Variants in SCN7A observed in about 807,000 individuals in gnomAD.
The protein encoded by SCN7A is sodium channel protein type 7 subunit alpha.
Under a neutral mutation model 155.2 loss-of-function variants are expected in SCN7A, and 138 were observed. That is an observed-to-expected ratio of 0.89 (90% confidence interval 0.77 to 1.02). The LOEUF is 1.02. Among genes scored for constraint, SCN7A ranks in the 50% least tolerant of loss-of-function variants. The pLI, the probability that SCN7A is intolerant of heterozygous loss-of-function variation, is 0.00. For missense variants in SCN7A, 2,058 were observed against 1,986.6 expected (o/e 1.04, Z -0.68); for synonymous variants, 693 against 649.0 (o/e 1.07, Z -1.03).
chr2:166,448,797 CTA>C (rs1397764774), intron 11 of SCN7A, among the ~76,000 whole-genome samples: 2 of 152,092 alleles, frequency 1.3e-5, no homozygotes, highest in Non-Finnish European at 2.9e-5. Flanking sequence ...AAACATAGTA[CTA>C]AGTAATAACA....
At chr2:166,408,632 T>G (rs1270269459) in intron 25 of SCN7A, among the ~76,000 whole-genome samples, 3 of 152,018 alleles carry the variant, frequency 2.0e-5, no homozygotes, top group Admixed American at 2.0e-4. Context: ...TCTGATAGCT[T>G]CTTCTTTTCT....
intron 15 of SCN7A, chr2:166,436,377 A>G (rs1484768817): frequency 9.1e-6 from 4 of 438,012 alleles, no homozygotes; most frequent in African/African-American, 4.1e-5. Flanking sequence ...TGCTGCTGCA[A>G]TGTGAAGGAC....
chr2:166,411,766 G>C (rs1431746186), intron 23 of SCN7A, among the ~76,000 whole-genome samples: 2 of 152,050 alleles, frequency 1.3e-5, no homozygotes, highest in Non-Finnish European at 2.9e-5. Flanking sequence ...GCATCCACTG[G>C]AGGTCTTGGA....
At chr2:166,473,241 T>C (rs1245244563) in intron 5 of SCN7A, among the ~76,000 whole-genome samples, 1 of 151,740 alleles carries the variant, frequency 6.6e-6, no homozygotes, top group African/African-American at 2.4e-5. Context: ...TTATACATTA[T>C]GTAGGTAAAT....
At position 166,493,645 on chromosome 2, in the gene SCN7A, C is replaced by T. The variant is rs371806616; in HGVS notation, c.-128+323G>A. Among the ~76,000 whole-genome samples the T allele has an allele frequency of 4.4e-4, 67 of 152,286 alleles. 1 individual carries two copies. The East Asian group carries it at 7.5e-3, about 17-fold the overall frequency. On this transcript the variant is annotated intron_variant, in intron 1 of 25. Coordinates refer to ENST00000643258, the MANE Select transcript of SCN7A (RefSeq NM_002976.4). ...TCCTCCATTTTATACTATCATTGTACCATGTAATGTAAGTCATTGTCATAT... is the reference window on the plus strand; with the variant it reads ...TCCTCCATTTTATACTATCATTGTATCATGTAATGTAAGTCATTGTCATAT...
Position 166,441,557 on chromosome 2 carries a change from G to A in SCN7A, c.1996C>T (p.Leu666Phe), listed in dbSNP as rs1701960634. 2 of 1,614,080 alleles carry A rather than the reference G, an allele frequency of 1.2e-6. No individual in the cohort carries two copies. The highest frequency in any genetic ancestry group is 4.5e-5 in the East Asian group (2 of 44,864). The change falls in exon 15 of 26, where the codon CTC becomes TTC. Residue 666 changes from leucine to phenylalanine, a missense_variant. Coordinates refer to ENST00000643258, the MANE Select transcript of SCN7A (RefSeq NM_002976.4). ...AAGTCATGCATGTGCCAGCGTGGGA[G>A]TTGACAGTCTTTGTCTATGTGGCAG... ...FVCHIDKDCQ[L>F]PRWHMHDFFH...
intron 10 of SCN7A, among the ~76,000 whole-genome samples, chr2:166,458,398 G>T (rs1167494696): frequency 6.6e-6 from 1 of 151,608 alleles, no homozygotes; most frequent in African/African-American, 2.4e-5. Context: ...GTATTCATGG[G>T]TTCCATATCT....
intron 11 of SCN7A, among the ~76,000 whole-genome samples, chr2:166,448,117 C>CA: frequency 6.6e-6 from 1 of 152,080 alleles, no homozygotes. Context: ...CCCCCTCATA[C>CA]ATACCCTTTG....
chr2:166,473,978 T>A (rs1702720212), intron 4 of SCN7A, 90 bp from the exon 5 acceptor site: 2 of 695,174 alleles, frequency 2.9e-6, no homozygotes, highest in East Asian at 6.3e-5. Context: ...TGAAAAATAT[T>A]AATCTTATTG....
At chr2:166,483,394 G>C (rs1418009859) in intron 2 of SCN7A, among the ~76,000 whole-genome samples, 1 of 151,772 alleles carries the variant, frequency 6.6e-6, no homozygotes, top group African/African-American at 2.4e-5. Context: ...GATAGTGTGG[G>C]GTTTGTGTAT....
chr2:166,477,710 C>T lies in SCN7A; in HGVS notation c.-14G>A. On this transcript the variant is annotated splice_region_variant and 5_prime_UTR_variant, in exon 3 of 26. Coordinates refer to ENST00000643258, the MANE Select transcript of SCN7A (RefSeq NM_002976.4). ...TGAAGCCAACATTTCCAATTTTGTA[C>T]CTGCAAAAAATTCTGTATTAAAGTT... 6.6e-7 allele frequency: 1 copy of T among 1,521,692 alleles called. No homozygotes were observed. Among genetic ancestry groups the T allele is most frequent in the South Asian group, 1.3e-5 (1 of 76,550 alleles). The allele number at this position is 1,521,692 out of a possible 1,614,324, so 94.3% of individuals were successfully genotyped here.
intron 25 of SCN7A, among the ~76,000 whole-genome samples, chr2:166,406,892 C>G (rs866733655): frequency 6.6e-5 from 10 of 151,940 alleles, no homozygotes; most frequent in Non-Finnish European, 1.3e-4. Context: ...GTAACATCAT[C>G]TAAGAGTATT....
At chr2:166,415,647 T>C (rs1575006026) in intron 21 of SCN7A, among the ~76,000 whole-genome samples, 1 of 152,144 alleles carries the variant, frequency 6.6e-6, no homozygotes, top group African/African-American at 2.4e-5. Flanking sequence ...TGGACATTTG[T>C]CAGTTCCCAA....
intron 5 of SCN7A, among the ~76,000 whole-genome samples, chr2:166,473,031 T>C (rs938458528): frequency 6.6e-6 from 1 of 150,964 alleles, no homozygotes; most frequent in Non-Finnish European, 1.5e-5. Context: ...GGTTAGAGGG[T>C]GGGAGGAGAG....
Position 166,421,180 on chromosome 2 carries a change from T to C in SCN7A, c.3135+10A>G, listed in dbSNP as rs993760288. 29 of 1,473,584 alleles carry C rather than the reference T, an allele frequency of 2.0e-5. No individual in the cohort carries two copies. Among genetic ancestry groups the C allele is most frequent in the Non-Finnish European group, 2.6e-5 (29 of 1,102,878 alleles). 91.3% of individuals were successfully genotyped at this position (1,473,584 alleles called of 1,614,324 possible). ...AAATTTGTAGATTAGCTTAGAAACTTATCTCTTACCTTCATTCTTTCAAAT... is the reference window on the plus strand; with the variant it reads ...AAATTTGTAGATTAGCTTAGAAACTCATCTCTTACCTTCATTCTTTCAAAT... On this transcript the variant is annotated intron_variant, in intron 20 of 25. Coordinates refer to ENST00000643258, the MANE Select transcript of SCN7A (RefSeq NM_002976.4).
At chr2:166,438,902 G>C (rs1412327476) in intron 15 of SCN7A, among the ~76,000 whole-genome samples, 2 of 150,882 alleles carry the variant, frequency 1.3e-5, no homozygotes, top group African/African-American at 4.9e-5. Context: ...TGAAGTTTCT[G>C]GTTAGTAGAA....
At chr2:166,425,889 C>T (rs1234042905) in intron 18 of SCN7A, among the ~76,000 whole-genome samples, 2 of 152,074 alleles carry the variant, frequency 1.3e-5, no homozygotes, top group African/African-American at 4.8e-5. Flanking sequence ...GACCATTTAT[C>T]AGCCTACAGG....
intron 11 of SCN7A, among the ~76,000 whole-genome samples, chr2:166,452,107 TACAA>T (rs1702187998): frequency 6.6e-6 from 1 of 152,248 alleles, no homozygotes; most frequent in African/African-American, 2.4e-5. Flanking sequence ...CTAATCAAAA[TACAA>T]ACAAGGTCCA....
intron 2 of SCN7A, among the ~76,000 whole-genome samples, chr2:166,484,255 G>C (rs1053527634): frequency 7.3e-5 from 11 of 151,692 alleles, no homozygotes; most frequent in African/African-American, 2.7e-4. Flanking sequence ...TTATTTTTTG[G>C]TGGGTTTGAG....
Sources: allele counts gnomAD v4.1 joint callset (sites outside exome capture counted in the v4.1 genomes callset), GRCh38; gene constraint gnomAD v4.1.1; transcripts MANE v1.5; gene names NCBI Gene and HGNC (gene_info 2026-07-23, HGNC 2026-07-21).